Variants in PDE4D observed in about 807,000 individuals in gnomAD.
PDE4D encodes 3',5'-cyclic-AMP phosphodiesterase 4D.
A neutral mutation model predicts 87.4 loss-of-function variants in PDE4D; 24 were observed. The ratio of observed to expected loss-of-function variants is 0.27; its 90% CI spans 0.20 to 0.39. PDE4D has a LOEUF of 0.39. Ranked by LOEUF, PDE4D falls within the 10% of genes least tolerant of loss-of-function variation. PDE4D has a pLI of 1.00. For synonymous variants in PDE4D, 384 were observed against 383.2 expected, an observed-to-expected ratio of 1.00 and a Z score of -0.02; for missense variants, 714 against 1,041.0, an observed-to-expected ratio of 0.69 and a Z score of 4.32.
intron 1 of PDE4D, among the ~76,000 whole-genome samples, chr5:60,346,704 G>A (rs992411621): frequency 1.3e-5 from 2 of 151,946 alleles, no homozygotes; most frequent in African/African-American, 4.8e-5. Context: ...CCAGAGTCTC[G>A]GTTTTTATAT....
chr5:59,404,939 G>A (rs1295867939), intron 1 of PDE4D, among the ~76,000 whole-genome samples: 6 of 151,758 alleles, frequency 4.0e-5, no homozygotes, highest in Non-Finnish European at 1.5e-5. Flanking sequence ...GTATGAATTT[G>A]TTCCTGGGTT....
At chr5:58,988,633 A>G in intron 10 of PDE4D, 41 bp from the exon 11 acceptor site, 2 of 824,818 alleles carry the variant, frequency 2.4e-6, no homozygotes, top group Non-Finnish European at 3.7e-6. Flanking sequence ...CTATTCTACA[A>G]TGATATGAAT....
chr5:60,439,284 C>T (rs1471118138), intron 1 of PDE4D, among the ~76,000 whole-genome samples: 1 of 151,968 alleles, frequency 6.6e-6, no homozygotes, highest in Non-Finnish European at 1.5e-5. Context: ...AAAATTGATA[C>T]AAATGGACTG....
At chr5:58,986,509 C>T (rs1445786018) in intron 11 of PDE4D, among the ~76,000 whole-genome samples, 3 of 152,186 alleles carry the variant, frequency 2.0e-5, no homozygotes, top group Non-Finnish European at 4.4e-5. Flanking sequence ...CGCATCAGTA[C>T]TGCCTGAGCT....
At chr5:59,219,537 T>G (rs1752004708) in intron 1 of PDE4D, among the ~76,000 whole-genome samples, 1 of 152,162 alleles carries the variant, frequency 6.6e-6, no homozygotes, top group Non-Finnish European at 1.5e-5. Context: ...AGAGACTTTG[T>G]ATTTTGAAAT....
chr5:58,986,000 G>C (rs1746339342), intron 11 of PDE4D, among the ~76,000 whole-genome samples: 1 of 152,028 alleles, frequency 6.6e-6, no homozygotes, highest in Admixed American at 6.5e-5. Context: ...TGACAATGCT[G>C]ATTCATTCCC....
chr5:60,120,683 A>G (rs1778593855), intron 2 of PDE4D, among the ~76,000 whole-genome samples: 1 of 151,966 alleles, frequency 6.6e-6, no homozygotes, highest in Non-Finnish European at 1.5e-5. Flanking sequence ...TGTATTATAT[A>G]CCTATATTAC....
intron 5 of PDE4D, among the ~76,000 whole-genome samples, chr5:59,100,017 C>T (rs777206982): frequency 2.0e-5 from 3 of 152,200 alleles, no homozygotes; most frequent in South Asian, 4.1e-4. Flanking sequence ...CATAACACCC[C>T]TCATATGAAA....
intron 3 of PDE4D, among the ~76,000 whole-genome samples, chr5:59,942,246 CT>C (rs1448103173): frequency 6.6e-6 from 1 of 152,202 alleles, no homozygotes; most frequent in Non-Finnish European, 1.5e-5. Flanking sequence ...ATAGTTTTCA[CT>C]AGTTTTACTG....
chr5:60,431,160 C>G (rs1309245882), intron 1 of PDE4D: 1 of 200,154 alleles, frequency 5.0e-6, no homozygotes, highest in African/African-American at 2.4e-5. Flanking sequence ...GGTGGCTGGC[C>G]GGGCGGGGGG....
chr5:60,192,646 A>T (rs1785288165), intron 1 of PDE4D, among the ~76,000 whole-genome samples: 1 of 152,200 alleles, frequency 6.6e-6, no homozygotes, highest in African/African-American at 2.4e-5. Flanking sequence ...ATATTAAGTG[A>T]AAAAGGCAGG....
At chr5:59,884,883 C>CTGTT (rs1611082) in intron 1 of PDE4D, among the ~76,000 whole-genome samples, 71,714 of 151,388 alleles carry the variant, frequency 0.47, 17,503 homozygotes, top group Admixed American at 0.54. Context: ...ATTTCTTTGT[C>CTGTT]TGTCAGGTAG....
At chr5:60,320,718 C>T (rs970820910) in intron 1 of PDE4D, among the ~76,000 whole-genome samples, 1 of 152,108 alleles carries the variant, frequency 6.6e-6, no homozygotes. Flanking sequence ...TTTCAGTATA[C>T]AAAATCAATA....
intron 1 of PDE4D, among the ~76,000 whole-genome samples, chr5:59,749,409 G>A (rs1304376800): frequency 6.6e-6 from 1 of 152,100 alleles, no homozygotes; most frequent in Non-Finnish European, 1.5e-5. Flanking sequence ...GATCACAGGT[G>A]CCTGCCACCA....
rs199672790 is a variant in PDE4D, at chr5:60,053,738, AG to A, written c.43-65022del. Among the ~76,000 whole-genome samples, 1,111 of 152,316 alleles carry A rather than the reference AG, an allele frequency of 7.3e-3. 25 individuals carry two copies. The highest frequency in any genetic ancestry group is 0.045 in the East Asian group (235 of 5,184). Reference sequence around the variant, plus strand: ...TCACAGCTGAAGAAACTATCATCAGAGTGAACAGGCAAACTACAGAATAGGG... The same window carrying A: ...TCACAGCTGAAGAAACTATCATCAGATGAACAGGCAAACTACAGAATAGGG... On this transcript the variant is annotated intron_variant, in intron 2 of 16. Transcript: ENST00000502484.
intron 5 of PDE4D, among the ~76,000 whole-genome samples, chr5:59,172,026 TAA>T (rs1158147333): frequency 1.0e-4 from 1 of 9,664 alleles, no homozygotes; most frequent in Non-Finnish European, 1.8e-4. Flanking sequence ...ATATATATAA[TAA>T]ATATATATTA....
At chr5:59,086,049 C>T (rs1767621037) in intron 5 of PDE4D, among the ~76,000 whole-genome samples, 1 of 152,118 alleles carries the variant, frequency 6.6e-6, no homozygotes, top group Non-Finnish European at 1.5e-5. Context: ...AAAAAGTAAA[C>T]AATCTATTAA....
chr5:59,945,719 T>A (rs148607327), intron 3 of PDE4D, among the ~76,000 whole-genome samples: 9 of 152,332 alleles, frequency 5.9e-5, no homozygotes, highest in African/African-American at 2.2e-4. Flanking sequence ...GAGAACCATG[T>A]CTCAAAGCCT....
At position 59,826,382 on chromosome 5, in the gene PDE4D, C is replaced by T. The variant is rs143495755; in HGVS notation, c.455+66786G>A. On this transcript the variant is annotated intron_variant, in intron 1 of 14. Coordinates refer to ENST00000340635, the MANE Select transcript of PDE4D (RefSeq NM_001104631.2). ...GGAAAGATTATATGTATGAGATTCGCGTTGCTTCTTTCTTCTGAAGATCTC... is the reference window on the plus strand; with the variant it reads ...GGAAAGATTATATGTATGAGATTCGTGTTGCTTCTTTCTTCTGAAGATCTC... Among the ~76,000 whole-genome samples the T allele has an allele frequency of 2.0e-3, 311 of 152,270 alleles. 3 individuals carry two copies. Among genetic ancestry groups the T allele is most frequent in the Admixed American group, 0.017 (258 of 15,286 alleles).
Sources: allele counts gnomAD v4.1 joint callset (sites outside exome capture counted in the v4.1 genomes callset), GRCh38; gene constraint gnomAD v4.1.1; transcripts MANE v1.5; gene names NCBI Gene and HGNC (gene_info 2026-07-23, HGNC 2026-07-21).